DNER: variants seen among roughly 807,000 people sequenced by gnomAD.
DNER encodes delta and Notch-like epidermal growth factor-related receptor.
Under a neutral mutation model 78.2 loss-of-function variants are expected in DNER, and 33 were observed. That is an observed-to-expected ratio of 0.42 (90% CI 0.32 to 0.56). The LOEUF is 0.56. Among genes scored for constraint, DNER ranks in the 20% least tolerant of loss-of-function variants. The pLI is 0.11. For missense variants in DNER, 918 were observed against 975.3 expected, an observed-to-expected ratio of 0.94 and a Z score of 0.78; for synonymous variants, 417 against 384.8, an observed-to-expected ratio of 1.08 and a Z score of -0.98.
At chr2:229,592,717 C>T (rs759970633) in intron 1 of DNER, among the ~76,000 whole-genome samples, 2 of 152,100 alleles carry the variant, frequency 1.3e-5, no homozygotes, top group Non-Finnish European at 1.5e-5. Flanking sequence ...ATCACCTGCT[C>T]CTCTTCAGAT....
chr2:229,595,846 C>G (rs1433246559), intron 1 of DNER, among the ~76,000 whole-genome samples: 1 of 152,214 alleles, frequency 6.6e-6, no homozygotes, highest in African/African-American at 2.4e-5. Context: ...GCCTGCTTAA[C>G]AGAGCAAGGT....
chr2:229,529,110 C>A (rs1448204862), intron 5 of DNER, among the ~76,000 whole-genome samples: 2 of 152,114 alleles, frequency 1.3e-5, no homozygotes, highest in Non-Finnish European at 2.9e-5. Flanking sequence ...CTCACAGTTT[C>A]ATTTATTTTA....
intron 8 of DNER, among the ~76,000 whole-genome samples, chr2:229,444,989 GA>G (rs1279018648): frequency 5.3e-5 from 8 of 152,362 alleles, no homozygotes; most frequent in African/African-American, 1.9e-4. Context: ...TTCACAGAGA[GA>G]ACGGAACTCT....
Position 229,423,773 on chromosome 2 carries a change from C to T in DNER, c.1487-5543G>A, listed in dbSNP as rs181553558. Among the ~76,000 whole-genome samples, 6 of 152,246 alleles carry T rather than the reference C, an allele frequency of 3.9e-5. No individual in the cohort carries two copies. The East Asian group carries it at 1.2e-3, about 29-fold the overall frequency. ...AATCTCCAATAAAGAATATCTATATCCATAAAACAAAAACATCAACAAAAA... is the reference window on the plus strand; with the variant it reads ...AATCTCCAATAAAGAATATCTATATTCATAAAACAAAAACATCAACAAAAA... On this transcript the variant is annotated intron_variant, in intron 8 of 12. Transcript: ENST00000341772.
chr2:229,693,045 A>G (rs958549363), intron 1 of DNER, among the ~76,000 whole-genome samples: 2 of 151,932 alleles, frequency 1.3e-5, no homozygotes, highest in African/African-American at 2.4e-5. Flanking sequence ...CCCCACCCAA[A>G]TCTTATCTTG....
chr2:229,550,094 G>A (rs1271166224), intron 4 of DNER, among the ~76,000 whole-genome samples: 2 of 151,736 alleles, frequency 1.3e-5, no homozygotes, highest in East Asian at 3.9e-4. Context: ...CCAGGTTCAA[G>A]CAATCCTTGT....
chr2:229,650,208 A>G (rs532453310), intron 1 of DNER, among the ~76,000 whole-genome samples: 1 of 152,204 alleles, frequency 6.6e-6, no homozygotes, highest in East Asian at 1.9e-4. Context: ...TCAGCTGGAG[A>G]TTCAACCCTT....
chr2:229,632,652 G>T (rs919170263), intron 1 of DNER, among the ~76,000 whole-genome samples: 1 of 152,156 alleles, frequency 6.6e-6, no homozygotes, highest in African/African-American at 2.4e-5. Flanking sequence ...AGTTCTGAAA[G>T]AATTACAAAG....
At chr2:229,473,796 G>T (rs1414986560) in intron 7 of DNER, among the ~76,000 whole-genome samples, 1 of 152,158 alleles carries the variant, frequency 6.6e-6, no homozygotes, top group Non-Finnish European at 1.5e-5. Context: ...GGCAGGCAAG[G>T]GTCAGGGCTG....
At chr2:229,406,249 A>G (rs527642429) in intron 10 of DNER, among the ~76,000 whole-genome samples, 12 of 152,154 alleles carry the variant, frequency 7.9e-5, no homozygotes, top group South Asian at 2.1e-4. Context: ...AGTCAATGAT[A>G]ACATATGTTT....
At chr2:229,370,215 C>A (rs1692450390) in intron 11 of DNER, among the ~76,000 whole-genome samples, 1 of 152,160 alleles carries the variant, frequency 6.6e-6, no homozygotes, top group South Asian at 2.1e-4. Flanking sequence ...GGGGGCCAGG[C>A]CTGCAGACCC....
At position 229,367,096 on chromosome 2, in the gene DNER, T is replaced by C. The variant is rs149348216; in HGVS notation, c.1879A>G (p.Met627Val). Residue 627 changes from methionine to valine, a missense_variant, in exon 12 of 13, where the codon ATG becomes GTG. Transcript: ENST00000341772. The stretch of plus-strand genomic sequence containing the variant: ...GGCATGTTGGTGAGGCTCTCCGCCA[T>C]GTGCCCGGACTTCCATTGGAGGTCT... Reference protein sequence around the residue: ...EIHLQWKSGHMAESLTNMPRH... With the variant: ...EIHLQWKSGHVAESLTNMPRH... 1.2e-4 allele frequency: 186 copies of C among 1,614,150 alleles called. 1 individual carries two copies. The African/African-American group carries it at 2.4e-3, about 20-fold the overall frequency.
At chr2:229,674,323 G>A (rs1699264392) in intron 1 of DNER, among the ~76,000 whole-genome samples, 1 of 152,228 alleles carries the variant, frequency 6.6e-6, no homozygotes, top group Non-Finnish European at 1.5e-5. Context: ...CTATCACCCA[G>A]GCTGGAGTGC....
chr2:229,364,780 C>A (rs894641076), intron 12 of DNER, among the ~76,000 whole-genome samples: 2 of 149,426 alleles, frequency 1.3e-5, no homozygotes, highest in Non-Finnish European at 3.0e-5. Context: ...GCAAACTCTT[C>A]GAACCTCTTA....
At position 229,387,863 on chromosome 2, in the gene DNER, CTGTG is replaced by C. The variant is rs34029070; in HGVS notation, c.1855+398_1855+401del. Among the ~76,000 whole-genome samples, 162 of 120,628 alleles carry C rather than the reference CTGTG, an allele frequency of 1.3e-3. 1 individual carries two copies. In the Middle Eastern group the frequency reaches 0.018, roughly 13 times the overall value. 79.1% of individuals were successfully genotyped at this position (120,628 alleles called of 152,430 possible). ...CATAAATAAAAAGGTAATTTGCATT[CTGTG>C]TGTGTGTGTGTGTGTGTGTGTGTGT... On this transcript the variant is annotated intron_variant, in intron 11 of 12. Transcript: ENST00000341772.
chr2:229,552,795 A>G (rs912563531), intron 4 of DNER, among the ~76,000 whole-genome samples: 2 of 152,160 alleles, frequency 1.3e-5, no homozygotes, highest in Non-Finnish European at 2.9e-5. Flanking sequence ...ATTGGGATCC[A>G]TACCATCATC....
chr2:229,487,198 CAT>C, intron 6 of DNER, among the ~76,000 whole-genome samples: 1 of 152,278 alleles, frequency 6.6e-6, no homozygotes, highest in Admixed American at 6.5e-5. Context: ...TTGCAACTGT[CAT>C]TGCATTCTTC....
intron 1 of DNER, among the ~76,000 whole-genome samples, chr2:229,648,399 C>T (rs1698756578): frequency 6.6e-6 from 1 of 152,208 alleles, no homozygotes; most frequent in Non-Finnish European, 1.5e-5. Context: ...TTGTATTTAA[C>T]TCAAAGCATA....
intron 10 of DNER, among the ~76,000 whole-genome samples, chr2:229,405,995 GGAGT>G (rs1313726361): frequency 3.3e-5 from 5 of 152,276 alleles, no homozygotes; most frequent in Non-Finnish European, 5.9e-5. Context: ...AATCATTTTT[GGAGT>G]GAGCCCACTT....
Sources: gnomAD v4.1 joint callset for allele counts (sites outside exome capture counted in the v4.1 genomes callset) on GRCh38, gnomAD v4.1.1 for gene constraint, MANE v1.5 for transcripts, NCBI Gene and HGNC (gene_info 2026-07-23, HGNC 2026-07-21) for gene names.